Variants in SLC2A1 observed in about 807,000 individuals in gnomAD.
SLC2A1 encodes solute carrier family 2, facilitated glucose transporter member 1.
In SLC2A1, 4 loss-of-function variants were observed where a neutral mutation model predicts 46.6. The ratio of observed to expected loss-of-function variants is 0.09; its 90% confidence interval spans 0.04 to 0.20. SLC2A1 has a LOEUF of 0.20. SLC2A1 is among the 10% of genes least tolerant of loss of function. The pLI, the probability that SLC2A1 is intolerant of heterozygous loss-of-function variation, is 1.00. For missense variants in SLC2A1, 352 were observed against 667.0 expected, an observed-to-expected ratio of 0.53 and a Z score of 5.20; for synonymous variants, 253 against 270.0, an observed-to-expected ratio of 0.94 and a Z score of 0.62.
At chr1:42,958,127 G>C (rs1465760109) in intron 1 of SLC2A1, among the ~76,000 whole-genome samples, 1 of 152,162 alleles carries the variant, frequency 6.6e-6, no homozygotes, top group African/African-American at 2.4e-5. Context: ...CCACCTACAG[G>C]GGCGTCCGGG....
At chr1:42,949,134 T>G (rs1389034598) in intron 1 of SLC2A1, among the ~76,000 whole-genome samples, 1 of 151,216 alleles carries the variant, frequency 6.6e-6, no homozygotes, top group Non-Finnish European at 1.5e-5. Context: ...TCCCAGCTAC[T>G]TGGGAGGCTG....
At chr1:42,933,807 T>C (rs779575368) in intron 2 of SLC2A1, among the ~76,000 whole-genome samples, 9 of 152,110 alleles carry the variant, frequency 5.9e-5, no homozygotes, top group Admixed American at 3.9e-4. Flanking sequence ...GATTTCACTT[T>C]GCTCTCCTGA....
rs746666874 is a variant in SLC2A1, at chr1:42,929,865, G to A, written c.679+8C>T. 6.2e-7 allele frequency: 1 copy of A among 1,614,186 alleles called. No homozygotes were observed. The highest frequency in any genetic ancestry group is 2.2e-5 in the East Asian group (1 of 44,878). On this transcript the variant is annotated splice_region_variant and intron_variant, in intron 5 of 9. Transcript: ENST00000426263. The surrounding 1 kb of genome is among the most constrained non-coding windows in gnomAD (Gnocchi z 6.0). ...GGAGTGGGGAGGAGGGCAGGGCCATGCCCGTACCACTCTTGGCCCGGTTCT... is the reference window on the plus strand; with the variant it reads ...GGAGTGGGGAGGAGGGCAGGGCCATACCCGTACCACTCTTGGCCCGGTTCT...
rs1412885719 is a variant in SLC2A1 at position 42,927,514 on chromosome 1, A to G, written c.1278+91T>C. Reference sequence around the variant, plus strand: ...TCCTACCCTCAGTTTCCTCCTCAGCATGATTCCTAATGAGAATGCTGGGCC... The same window carrying G: ...TCCTACCCTCAGTTTCCTCCTCAGCGTGATTCCTAATGAGAATGCTGGGCC... On this transcript the variant is annotated intron_variant, in intron 9 of 9. Transcript: ENST00000426263. The surrounding 1 kb of genome is among the most constrained non-coding windows in gnomAD (Gnocchi z 5.3). 3.1e-6 allele frequency: 4 copies of G among 1,294,676 alleles called. No individual in the cohort carries two copies. The highest frequency in any genetic ancestry group is 3.0e-5 in the African/African-American group (2 of 67,792). 80.2% of individuals were successfully genotyped at this position (1,294,676 alleles called of 1,614,324 possible).
At chr1:42,946,085 G>C (rs78871211) in intron 1 of SLC2A1, among the ~76,000 whole-genome samples, 2,068 of 152,294 alleles carry the variant, frequency 0.014, 46 homozygotes, top group African/African-American at 0.047. Flanking sequence ...CTGTTTTACT[G>C]AGGTCTGCAT....
chr1:42,958,437 A>C (rs971603576), intron 1 of SLC2A1, among the ~76,000 whole-genome samples, 197 bp downstream of exon 1: 3 of 150,346 alleles, frequency 2.0e-5, no homozygotes, highest in African/African-American at 4.9e-5. Flanking sequence ...GCTAGATCCG[A>C]AGCCCATCCC....
chr1:42,946,586 C>T (rs1308312268), intron 1 of SLC2A1, among the ~76,000 whole-genome samples: 2 of 152,116 alleles, frequency 1.3e-5, no homozygotes, highest in Admixed American at 6.5e-5. Flanking sequence ...GACATTGGAG[C>T]TGGGCTGTGA....
At chr1:42,955,820 C>T (rs1038997084) in intron 1 of SLC2A1, among the ~76,000 whole-genome samples, 2 of 152,212 alleles carry the variant, frequency 1.3e-5, no homozygotes, top group African/African-American at 2.4e-5. Flanking sequence ...CGTGGGCGAA[C>T]CCCTGGCTTG....
At position 42,931,171 on chromosome 1, in the gene SLC2A1, G is replaced by A; in HGVS notation, c.150C>T (p.His50=). 1 of 1,614,152 alleles carries A rather than the reference G, an allele frequency of 6.2e-7. No homozygotes were observed. ...TGGGCAGGATGCTCTCCCCATAGCG[G>A]TGGACCCATGTCTGGTTGTAGAACT... ...IEEFYNQTWV[H]RYGESILPTT... Residue 50 remains histidine, a synonymous_variant, in exon 3 of 10, where the codon CAC becomes CAT. Transcript: ENST00000426263.
At chr1:42,949,898 T>G (rs1408738014) in intron 1 of SLC2A1, among the ~76,000 whole-genome samples, 2 of 152,230 alleles carry the variant, frequency 1.3e-5, no homozygotes, top group Admixed American at 6.5e-5. Flanking sequence ...GTCCTCCCCC[T>G]TGTTTCCGGG....
At position 42,928,972 on chromosome 1, in the gene SLC2A1, G is replaced by T; in HGVS notation, c.1034C>A (p.Ala345Glu). 1 of 1,613,938 alleles carries T rather than the reference G, an allele frequency of 6.2e-7. No homozygotes were observed. Among genetic ancestry groups the T allele is most frequent in the Non-Finnish European group, 8.5e-7 (1 of 1,180,018 alleles). ...TLHLIGLAGM[A>E]GCAILMTIAL... ...GATGGTCATGAGTATGGCACAACCC[G>T]CCATGCCAGCGAGGCCTATGAGGTG... The change falls in exon 8 of 10, where the codon GCG becomes GAG. Residue 345 changes from alanine (A) to glutamate (E), a missense_variant. Ala to Glu is a moderately radical substitution (Grantham distance 107, BLOSUM62 -1). Coordinates refer to ENST00000426263, the MANE Select transcript of SLC2A1 (RefSeq NM_006516.4).
intron 1 of SLC2A1, among the ~76,000 whole-genome samples, chr1:42,950,094 T>A (rs1401986570): frequency 6.6e-6 from 1 of 152,222 alleles, no homozygotes; most frequent in Non-Finnish European, 1.5e-5. Context: ...CAGCTAAGAA[T>A]GAGTTTTACA....
chr1:42,927,837 G>C lies in SLC2A1; in HGVS notation c.1075-29C>G. 2 of 1,540,898 alleles carry C rather than the reference G, an allele frequency of 1.3e-6. No homozygotes were observed. The highest frequency in any genetic ancestry group is 1.8e-6 in the Non-Finnish European group (2 of 1,123,634). On this transcript the variant is annotated intron_variant, in intron 8 of 9. Transcript: ENST00000426263. The surrounding 1 kb of genome is among the most constrained non-coding windows in gnomAD (Gnocchi z 5.3). The stretch of plus-strand genomic sequence containing the variant: ...TTGAGGATGACGGAGAGGGGGAAAA[G>C]TTAGACTGGGTTGTGATGGATCCTC...
chr1:42,932,167 C>T (rs1276095410), intron 2 of SLC2A1, among the ~76,000 whole-genome samples: 1 of 152,162 alleles, frequency 6.6e-6, no homozygotes, highest in Non-Finnish European at 1.5e-5. Flanking sequence ...CTCCTCCCCT[C>T]TCCCAAGGGC....
Position 42,927,236 on chromosome 1 carries a change from C to A in SLC2A1, c.1284G>T (p.Leu428=). 6.2e-7 allele frequency: 1 copy of A among 1,613,960 alleles called. No homozygotes were observed. The highest frequency in any genetic ancestry group is 8.5e-7 in the Non-Finnish European group (1 of 1,179,954). ...AGATGATGAAGACGTAGGGACCACA[C>A]AGTTGCTGAAAGACACACAGACACA... ...VGMCFQYVEQ[L]CGPYVFIIFT... The change falls in exon 10 of 10, where the codon CTG becomes CTT. Residue 428 remains leucine (L), a synonymous_variant. Transcript: ENST00000426263. The surrounding 1 kb of genome is among the most constrained non-coding windows in gnomAD (Gnocchi z 5.3).
intron 2 of SLC2A1, among the ~76,000 whole-genome samples, chr1:42,939,727 C>T (rs899741223): frequency 9.2e-5 from 14 of 152,110 alleles, no homozygotes; most frequent in African/African-American, 1.4e-4. Flanking sequence ...GCAGGTGGAT[C>T]GCCTGAGGTC....
intron 1 of SLC2A1, among the ~76,000 whole-genome samples, chr1:42,947,295 G>T (rs1348888379): frequency 6.6e-6 from 1 of 152,136 alleles, no homozygotes; most frequent in Non-Finnish European, 1.5e-5. Flanking sequence ...CCCAGAGTCT[G>T]GGATCCCCAG....
chr1:42,936,981 G>A (rs1643548167), intron 2 of SLC2A1, among the ~76,000 whole-genome samples: 1 of 152,128 alleles, frequency 6.6e-6, no homozygotes, highest in Non-Finnish European at 1.5e-5. Flanking sequence ...TGCCACACTG[G>A]CTACTGGTAT....
Position 42,926,966 on chromosome 1 carries a change from C to A in SLC2A1, c.*75G>T. On this transcript the variant is annotated 3_prime_UTR_variant, in exon 10 of 10. Coordinates refer to ENST00000426263, the MANE Select transcript of SLC2A1 (RefSeq NM_006516.4). ...GCTGACATCTGTCAGGTTTGGAAGTCTCATCCAGCTGCCTGTGCTCCTGAG... is the reference window on the plus strand; with the variant it reads ...GCTGACATCTGTCAGGTTTGGAAGTATCATCCAGCTGCCTGTGCTCCTGAG... The A allele has an allele frequency of 6.3e-7, 1 of 1,576,236 alleles. No homozygotes were observed. The highest frequency in any genetic ancestry group is 1.8e-5 in the Admixed American group (1 of 57,104).
Sources: gnomAD v4.1 joint callset for allele counts (sites outside exome capture counted in the v4.1 genomes callset) on GRCh38, gnomAD v4.1.1 for gene constraint, Gnocchi (gnomAD v3.1) non-coding constraint, MANE v1.5 for transcripts, NCBI Gene and HGNC (gene_info 2026-07-23, HGNC 2026-07-21) for gene names.